SEMA3C: variants seen among roughly 807,000 people sequenced by gnomAD.
SEMA3C encodes semaphorin 3C, also known as semaphorin-3C.
Under a neutral mutation model 89.4 loss-of-function variants are expected in SEMA3C, and 47 were observed. The ratio of observed to expected loss-of-function variants is 0.53; its 90% CI spans 0.42 to 0.67. SEMA3C has a LOEUF of 0.67. SEMA3C is among the 30% of genes least tolerant of loss of function. SEMA3C has a pLI of 0.00. For missense variants in SEMA3C, 839 were observed against 929.1 expected (o/e 0.90, Z 1.26); for synonymous variants, 310 against 320.2 (o/e 0.97, Z 0.34).
rs1350241381 is a variant in SEMA3C, at chr7:80,868,714, G to A, written c.104-39969C>T. On this transcript the variant is annotated intron_variant, in intron 2 of 17. Coordinates refer to ENST00000265361, the MANE Select transcript of SEMA3C (RefSeq NM_006379.5). ...CCAAAATTTGTTGTTTGGGGTAGGGGGAGGAGGGGGATTATAGTCTGGAGA... is the reference window on the plus strand; with the variant it reads ...CCAAAATTTGTTGTTTGGGGTAGGGAGAGGAGGGGGATTATAGTCTGGAGA... 2.0e-5 allele frequency among the ~76,000 whole-genome samples: 3 copies of A among 152,106 alleles called. No individual in the cohort carries two copies. The East Asian group carries it at 5.8e-4, about 29-fold the overall frequency.
At chr7:80,767,177 T>TG (rs1209342381) in intron 12 of SEMA3C, among the ~76,000 whole-genome samples, 1 of 152,204 alleles carries the variant, frequency 6.6e-6, no homozygotes, top group Non-Finnish European at 1.5e-5. Flanking sequence ...TTAGGCCCCT[T>TG]GGTCAAGTTC....
Position 80,907,868 on chromosome 7 carries a change from C to CAAA in SEMA3C, c.103+8810_103+8811insTTT, listed in dbSNP as rs1792051713. On this transcript the variant is annotated intron_variant, in intron 2 of 17. Coordinates refer to ENST00000265361, the MANE Select transcript of SEMA3C (RefSeq NM_006379.5). ...GGCAGACATGTTATTTAAAAGGCTC[C>CAAA]AACGTATCCACCATACCATATCTAA... 4.6e-5 allele frequency among the ~76,000 whole-genome samples: 7 copies of CAAA among 151,976 alleles called. No homozygotes were observed. In the South Asian group the frequency reaches 1.5e-3, roughly 32 times the overall value.
chr7:80,846,166 T>C (rs1790384146), intron 2 of SEMA3C, among the ~76,000 whole-genome samples: 1 of 152,116 alleles, frequency 6.6e-6, no homozygotes, highest in Non-Finnish European at 1.5e-5. Context: ...ACAAATATGT[T>C]AAACACAGCC....
intron 2 of SEMA3C, among the ~76,000 whole-genome samples, chr7:80,914,594 C>T (rs1046999755): frequency 6.6e-6 from 1 of 152,086 alleles, no homozygotes. Flanking sequence ...CTCTTTTAAA[C>T]AGTATTCAAA....
At chr7:80,841,987 T>C (rs1790280841) in intron 2 of SEMA3C, among the ~76,000 whole-genome samples, 1 of 152,184 alleles carries the variant, frequency 6.6e-6, no homozygotes, top group Non-Finnish European at 1.5e-5. Context: ...TAAACACATT[T>C]GTCAGTCATT....
intron 13 of SEMA3C, among the ~76,000 whole-genome samples, chr7:80,762,391 T>C (rs1327529094): frequency 6.6e-6 from 1 of 152,166 alleles, no homozygotes; most frequent in African/African-American, 2.4e-5. Flanking sequence ...CAAAAAAATA[T>C]TGTTAGAAAA....
At position 80,744,979 on chromosome 7, in the gene SEMA3C, T is replaced by C; in HGVS notation, c.2171A>G (p.Lys724Arg). 2 of 1,614,120 alleles carry C rather than the reference T, an allele frequency of 1.2e-6. No individual in the cohort carries two copies. Among genetic ancestry groups the C allele is most frequent in the Non-Finnish European group, 1.7e-6 (2 of 1,179,990 alleles). Residue 724 changes from lysine to arginine, a missense_variant, in exon 18 of 18, where the codon AAA (lysine) becomes AGA (arginine). Lys to Arg is a conservative substitution (Grantham distance 26). Transcript: ENST00000265361. ...TAACTTGCCATAGTCCCCTCTCATT[T>C]TCTGTGATTCATCTCCCTGCTGATG... ...QQHQQGDESQ[K>R]MRGDYGKLKA...
intron 14 of SEMA3C, among the ~76,000 whole-genome samples, chr7:80,759,114 T>A (rs1360503236): frequency 1.3e-5 from 2 of 152,128 alleles, no homozygotes; most frequent in African/African-American, 4.8e-5. Flanking sequence ...CCTAAAAACC[T>A]CATGGATGAA....
In SEMA3C at chr7:80,919,008, AC is replaced by A. The variant is rs1792345764; in HGVS notation, c.-220del. The A allele has an allele frequency of 3.0e-6, 3 of 985,168 alleles. No individual in the cohort carries two copies. In the African/African-American group the frequency reaches 5.2e-5, roughly 17 times the overall value. The allele number at this position is 985,168 out of a possible 1,614,324, so 61.0% of individuals were successfully genotyped here. A position where few individuals can be genotyped will look rare whatever the true frequency, so the allele number is the denominator to read the frequency against. The stretch of plus-strand genomic sequence containing the variant: ...AATCTCAGCGCTGCAGTGCCGCGGC[AC>A]CCGGAGCTCTTCTCCGCGTCGCTCA... On this transcript the variant is annotated 5_prime_UTR_variant, in exon 1 of 18. Coordinates refer to ENST00000265361, the MANE Select transcript of SEMA3C (RefSeq NM_006379.5).
rs560725948 is a variant in SEMA3C at position 80,783,462 on chromosome 7, T to C, written c.1354+5844A>G. Among the ~76,000 whole-genome samples, 204 of 152,304 alleles carry C rather than the reference T, an allele frequency of 1.3e-3. 1 individual carries two copies. Among genetic ancestry groups the C allele is most frequent in the African/African-American group, 4.3e-3 (177 of 41,566 alleles). ...TTCCACATTCTGCTTTGGAAAGCAG[T>C]GACCCACGATGTTATTAAAAATCAG... On this transcript the variant is annotated intron_variant, in intron 12 of 17. Transcript: ENST00000265361.
chr7:80,878,245 C>T (rs745317460), intron 2 of SEMA3C, among the ~76,000 whole-genome samples: 4 of 152,146 alleles, frequency 2.6e-5, no homozygotes, highest in Admixed American at 6.5e-5. Flanking sequence ...GGCTTGGTGG[C>T]GCATGCCTAT....
chr7:80,920,255 A>G (rs945169513), upstream of SEMA3C, among the ~76,000 whole-genome samples: 1 of 152,142 alleles, frequency 6.6e-6, no homozygotes, highest in African/African-American at 2.4e-5. Context: ...ACATCGGGAG[A>G]AATGAGCTTT....
At chr7:80,777,572 G>A (rs1300440515) in intron 12 of SEMA3C, among the ~76,000 whole-genome samples, 1 of 152,168 alleles carries the variant, frequency 6.6e-6, no homozygotes, top group African/African-American at 2.4e-5. Flanking sequence ...GAGTACAGGC[G>A]TGAGCCACTG....
chr7:80,921,591 AC>A (rs1394279515), upstream of SEMA3C, among the ~76,000 whole-genome samples: 3 of 152,196 alleles, frequency 2.0e-5, no homozygotes, highest in East Asian at 5.8e-4. Context: ...CTAATTGAGA[AC>A]GCTGTTTTCG....
chr7:80,788,235 T>G (rs1788850032), intron 12 of SEMA3C, among the ~76,000 whole-genome samples: 1 of 152,342 alleles, frequency 6.6e-6, no homozygotes, highest in Admixed American at 6.5e-5. Context: ...CCTAATAAAC[T>G]ACCTAATTTC....
chr7:80,745,253 C>G lies in SEMA3C; in HGVS notation c.1897G>C (p.Val633Leu), dbSNP rs1787774002. The change falls in exon 18 of 18, where the codon GTT becomes CTT. Residue 633 changes from valine (V) to leucine (L), a missense_variant. Physicochemically the swap from Val to Leu is conservative, Grantham distance 32. Coordinates refer to ENST00000265361, the MANE Select transcript of SEMA3C (RefSeq NM_006379.5). The part of the protein sequence containing the change: ...ATSQGLLIRS[V>L]QGSDQGLYHC... Reference sequence around the variant, plus strand: ...TAAAGTCCTTGGTCAGAACCCTGAACAGAGCGGATCAGGAGTCCCTGTGAA... The same window carrying G: ...TAAAGTCCTTGGTCAGAACCCTGAAGAGAGCGGATCAGGAGTCCCTGTGAA... 1 of 1,613,914 alleles carries G rather than the reference C, an allele frequency of 6.2e-7. No individual in the cohort carries two copies. The highest frequency in any genetic ancestry group is 1.3e-5 in the African/African-American group (1 of 74,924).
intron 2 of SEMA3C, among the ~76,000 whole-genome samples, chr7:80,873,480 A>C (rs1791120970): frequency 6.6e-6 from 1 of 152,186 alleles, no homozygotes; most frequent in Non-Finnish European, 1.5e-5. Flanking sequence ...GGATTTCTGG[A>C]TTCTCTTAAA....
chr7:80,858,300 C>T (rs2115974326), intron 2 of SEMA3C, among the ~76,000 whole-genome samples: 1 of 152,158 alleles, frequency 6.6e-6, no homozygotes, highest in South Asian at 2.1e-4. Flanking sequence ...GAGGTTCAAG[C>T]AGGTTTGAGA....
intron 2 of SEMA3C, among the ~76,000 whole-genome samples, chr7:80,848,986 C>G (rs2115925142): frequency 6.6e-6 from 1 of 152,120 alleles, no homozygotes; most frequent in Middle Eastern, 3.4e-3. Flanking sequence ...TCTTATAAAC[C>G]CACTTCAACA....
Sources: gnomAD v4.1 joint callset for allele counts (sites outside exome capture counted in the v4.1 genomes callset) on GRCh38, gnomAD v4.1.1 for gene constraint, MANE v1.5 for transcripts, NCBI Gene and HGNC (gene_info 2026-07-23, HGNC 2026-07-21) for gene names.